ZNF630: variants seen among roughly 807,000 people sequenced by gnomAD.
ZNF630 encodes zinc finger protein 630.
A neutral mutation model predicts 7.2 loss-of-function variants in ZNF630; 5 were observed. The ratio of observed to expected loss-of-function variants is 0.70; its 90% CI spans 0.36 to 1.46. ZNF630 has a LOEUF of 1.46. Among genes scored for constraint, ZNF630 ranks in the 40% most tolerant of loss-of-function variants. The pLI is 0.03. For synonymous variants in ZNF630, 158 were observed against 162.8 expected (o/e 0.97, Z 0.23); for missense variants, 461 against 477.0 (o/e 0.97, Z 0.31).
Position 48,059,994 on chromosome X carries a change from C to T in ZNF630, c.448G>A (p.Glu150Lys), listed in dbSNP as rs1434201044. Residue 150 changes from glutamate (E) to lysine (K), a missense_variant, in exon 5 of 5, where the codon GAG (glutamate) becomes AAG (lysine). By Grantham distance (56) the Glu-to-Lys change is moderately conservative. Coordinates refer to ENST00000276054, the MANE Select transcript of ZNF630 (RefSeq NM_001282201.2). ...TVISRETLTD[E>K]MGSKYSAFGK... ...AATGCACTGTACTTGGAACCCATCT[C>T]ATCAGTCAATGTTTCACGACTGATG... 5 of 1,206,452 alleles carry T rather than the reference C, an allele frequency of 4.1e-6. No homozygotes were observed. The highest frequency in any genetic ancestry group is 4.5e-6 in the Non-Finnish European group (4 of 892,938).
At chrX:48,062,956 A>AAG (rs781974474) in intron 2 of ZNF630, among the ~76,000 whole-genome samples, 21,115 of 48,780 alleles carry the variant, frequency 0.43, 4,048 homozygotes, top group South Asian at 0.58. Context: ...GAAAGAAAGA[A>AAG]AGAGAGAGAG....
intron 1 of ZNF630, among the ~76,000 whole-genome samples, chrX:48,069,491 T>C (rs1323997738): frequency 3.6e-5 from 4 of 111,696 alleles, no homozygotes; most frequent in East Asian, 5.6e-4. Flanking sequence ...TGGTATTACA[T>C]GAGCAGCAGT....
Position 48,058,989 on chromosome X carries a change from T to A in ZNF630, c.1453A>T (p.Lys485Ter). 8.3e-7 allele frequency: 1 copy of A among 1,208,272 alleles called. No individual in the cohort carries two copies. The highest frequency in any genetic ancestry group is 3.0e-5 in the East Asian group (1 of 33,770). The change falls in exon 5 of 5, where the codon AAA becomes TAA. Residue 485 changes from lysine (K) to a stop codon, truncating the protein, a stop_gained. Transcript: ENST00000276054. LOFTEE classifies it low-confidence loss of function (END_TRUNC). ...CCACATTCAGTACACATATAAGGTT[T>A]CTCTCCAGTATGAAGTCTTTGATGG... ...TGHQRLHTGE[K>*]PYMCTECGKS...
chrX:48,067,816 C>T (rs937787645), intron 1 of ZNF630, among the ~76,000 whole-genome samples: 13 of 110,565 alleles, frequency 1.2e-4, no homozygotes, highest in Admixed American at 7.7e-4. Flanking sequence ...AAGCCCAGCA[C>T]TTTGGGAGGC....
At position 48,060,108 on chromosome X, in the gene ZNF630, A is replaced by G. The variant is rs370981015; in HGVS notation, c.334T>C (p.Leu112=). 66 of 1,182,759 alleles carry G rather than the reference A, an allele frequency of 5.6e-5. 2 individuals carry two copies. The highest frequency in any genetic ancestry group is 9.2e-5 in the East Asian group (3 of 32,665). The change falls in exon 5 of 5, where the codon TTG becomes CTG. Residue 112 remains leucine, a synonymous_variant. Coordinates refer to ENST00000276054, the MANE Select transcript of ZNF630 (RefSeq NM_001282201.2). ...ILERAPKDNS[L]YSVLKIWHID... The stretch of plus-strand genomic sequence containing the variant: ...TGCCAGATTTTTAAAACAGAGTACA[A>G]TGAATTATCCTTTGGGGCTCTTTCT...
chrX:48,058,756 C>T lies in ZNF630; in HGVS notation c.1686G>A (p.Gln562=). The T allele has an allele frequency of 8.3e-7, 1 of 1,206,885 alleles. No individual in the cohort carries two copies. Among genetic ancestry groups the T allele is most frequent in the Non-Finnish European group, 1.1e-6 (1 of 892,416 alleles). The change falls in exon 5 of 5, where the codon CAG becomes CAA. Residue 562 remains glutamine (Q), a synonymous_variant. Transcript: ENST00000276054. ...AGGGTTTCTCTCCAGTATGACCTCT[C>T]TGATGTAGAATGAGATGTGACTTCA... The part of the protein sequence containing the change: ...FSLKSHLILH[Q]RGHTGEKPYE...
chrX:48,069,853 T>G (rs6609619), intron 1 of ZNF630, among the ~76,000 whole-genome samples: 4 of 50,169 alleles, frequency 8.0e-5, no homozygotes, highest in African/African-American at 3.1e-4. Context: ...TTTTTTTTTT[T>G]TTGTTTTTTG....
In ZNF630 at chrX:48,058,394, G is replaced by A. The variant is rs1229176348; in HGVS notation, c.*74C>T. On this transcript the variant is annotated 3_prime_UTR_variant, in exon 5 of 5. Coordinates refer to ENST00000276054, the MANE Select transcript of ZNF630 (RefSeq NM_001282201.2). Reference sequence around the variant, plus strand: ...TAGTCTATTCTACAGTTGAGAAGTTGTCACTATTTCTATTCAATGTGAGTT... The same window carrying A: ...TAGTCTATTCTACAGTTGAGAAGTTATCACTATTTCTATTCAATGTGAGTT... The A allele has an allele frequency of 3.9e-6, 4 of 1,017,665 alleles. No individual in the cohort carries two copies. The highest frequency in any genetic ancestry group is 3.9e-5 in the African/African-American group (2 of 51,862). The allele number at this position is 1,017,665 out of a possible 1,213,427, so 83.9% of individuals were successfully genotyped here.
chrX:48,065,719 A>G (rs2059128148), intron 2 of ZNF630, among the ~76,000 whole-genome samples: 1 of 111,222 alleles, frequency 9.0e-6, no homozygotes, highest in Admixed American at 9.6e-5. Flanking sequence ...AATAGTACCA[A>G]TATTACCCAA....
At chrX:48,061,697 G>A (rs1358565518) in intron 2 of ZNF630, 1 of 298,841 alleles carries the variant, frequency 3.3e-6, no homozygotes, top group Non-Finnish European at 6.4e-6. Flanking sequence ...ATAATAGTGA[G>A]TGAGTTCTCA....
intron 2 of ZNF630, chrX:48,066,659 C>A: frequency 7.0e-6 from 3 of 429,218 alleles, no homozygotes; most frequent in Non-Finnish European, 1.2e-5. Flanking sequence ...TGTTATGTTA[C>A]CCTTTTCACT....
chrX:48,066,328 A>G (rs2059131280), intron 2 of ZNF630: 2 of 51,936 alleles, frequency 3.9e-5, no homozygotes, highest in South Asian at 1.9e-3. Flanking sequence ...TTCAGGGAGA[A>G]AAAAAAAAAA....
In ZNF630 at chrX:48,059,000, T is replaced by C; in HGVS notation, c.1442A>G (p.His481Arg). Residue 481 changes from histidine to arginine, a missense_variant, in exon 5 of 5, where the codon CAT becomes CGT. Physicochemically the swap from His to Arg is conservative, Grantham distance 29. Transcript: ENST00000276054. ...ACACATATAAGGTTTCTCTCCAGTA[T>C]GAAGTCTTTGATGGCCAGTGAGGTG... ...KSHLTGHQRLHTGEKPYMCTE... is the reference protein window; with the variant it reads ...KSHLTGHQRLRTGEKPYMCTE... The C allele has an allele frequency of 8.3e-7, 1 of 1,208,543 alleles. No individual in the cohort carries two copies. The highest frequency in any genetic ancestry group is 1.1e-6 in the Non-Finnish European group (1 of 893,239).
At chrX:48,065,023 C>G (rs2059123601) in intron 2 of ZNF630, among the ~76,000 whole-genome samples, 1 of 112,012 alleles carries the variant, frequency 8.9e-6, no homozygotes, top group South Asian at 3.6e-4. Flanking sequence ...AGTTTGCTGA[C>G]CCCTGACTTA....
rs1556908293 is a variant in ZNF630 at position 48,058,745 on chromosome X, G to A, written c.1697C>T (p.Thr566Ile). 14 of 1,207,306 alleles carry A rather than the reference G, an allele frequency of 1.2e-5. No individual in the cohort carries two copies. Among genetic ancestry groups the A allele is most frequent in the African/African-American group, 1.7e-5 (1 of 57,320 alleles). ...ACTACATTCATAGGGTTTCTCTCCA[G>A]TATGACCTCTCTGATGTAGAATGAG... is the stretch of plus-strand genomic sequence containing the variant. ...SHLILHQRGH[T>I]GEKPYECSEC... Residue 566 changes from threonine to isoleucine, a missense_variant, in exon 5 of 5, where the codon ACT becomes ATT. By Grantham distance (89) the Thr-to-Ile change is moderately conservative. Coordinates refer to ENST00000276054, the MANE Select transcript of ZNF630 (RefSeq NM_001282201.2).
intron 2 of ZNF630, among the ~76,000 whole-genome samples, chrX:48,065,157 A>G (rs782012191): frequency 9.0e-6 from 1 of 111,719 alleles, no homozygotes; most frequent in Admixed American, 9.5e-5. Flanking sequence ...CCTTCCCACA[A>G]AGAAAACTCC....
chrX:48,062,806 G>A (rs2059111702), intron 2 of ZNF630, among the ~76,000 whole-genome samples: 1 of 110,650 alleles, frequency 9.0e-6, no homozygotes. Flanking sequence ...CGGGTGTGGT[G>A]GCACACACCT....
Position 48,057,835 on chromosome X carries a change from C to T in ZNF630, c.*633G>A, listed in dbSNP as rs537679464. Among the ~76,000 whole-genome samples the T allele has an allele frequency of 4.5e-5, 5 of 110,741 alleles. No individual in the cohort carries two copies. The highest frequency in any genetic ancestry group is 1.6e-4 in the African/African-American group (5 of 30,364). On this transcript the variant is annotated 3_prime_UTR_variant, in exon 5 of 5. Coordinates refer to ENST00000276054, the MANE Select transcript of ZNF630 (RefSeq NM_001282201.2). ...CTTTGGGAAGCCGAAGTGGGTGGATCACCTGAGGTCAGGAGTTCGAGACCA... is the reference window on the plus strand; with the variant it reads ...CTTTGGGAAGCCGAAGTGGGTGGATTACCTGAGGTCAGGAGTTCGAGACCA...
chrX:48,058,910 C>T lies in ZNF630; in HGVS notation c.1532G>A (p.Gly511Glu), dbSNP rs782296156. Reference protein sequence around the residue: ...PLIIHQRIHTGEKPYQCGECG... With the variant: ...PLIIHQRIHTEEKPYQCGECG... ...TTCACCACACTGATAAGGTTTCTCC[C>T]CTGTATGAATTCTCTGGTGTATGAT... Residue 511 changes from glycine (G) to glutamate (E), a missense_variant, in exon 5 of 5, where the codon GGG becomes GAG. By Grantham distance (98) the Gly-to-Glu change is moderately conservative. Transcript: ENST00000276054. 7 of 1,208,235 alleles carry T rather than the reference C, an allele frequency of 5.8e-6. No homozygotes were observed. The South Asian group carries it at 1.2e-4, about 21-fold the overall frequency.
Sources: gnomAD v4.1 joint callset for allele counts (sites outside exome capture counted in the v4.1 genomes callset) on GRCh38, gnomAD v4.1.1 for gene constraint, MANE v1.5 for transcripts, NCBI Gene and HGNC (gene_info 2026-07-23, HGNC 2026-07-21) for gene names.